GPR161: variants seen among roughly 807,000 people sequenced by gnomAD.
GPR161 encodes the protein G protein-coupled receptor 161.
Under a neutral mutation model 39.2 loss-of-function variants are expected in GPR161, and 25 were observed. The ratio of observed to expected loss-of-function variants is 0.64; its 90% confidence interval spans 0.47 to 0.89. The LOEUF is 0.89. GPR161 is among the 40% of genes least tolerant of loss of function. The pLI is 0.00. For synonymous variants in GPR161, 286 were observed against 276.6 expected (o/e 1.03, Z -0.34); for missense variants, 547 against 677.8 (o/e 0.81, Z 2.14).
At chr1:168,122,665 C>T (rs1039455241) in intron 1 of GPR161, among the ~76,000 whole-genome samples, 3 of 152,174 alleles carry the variant, frequency 2.0e-5, no homozygotes, top group African/African-American at 7.2e-5. Context: ...TGAAACCCAT[C>T]AAGCATGCTT....
At chr1:168,099,040 G>C (rs771054087) in intron 2 of GPR161, among the ~76,000 whole-genome samples, 23 of 152,324 alleles carry the variant, frequency 1.5e-4, no homozygotes, top group Admixed American at 8.5e-4. Flanking sequence ...GAAGATCATG[G>C]AAAAGGCCCG....
chr1:168,104,861 C>T lies in GPR161; in HGVS notation c.-11G>A, dbSNP rs376241216. The T allele has an allele frequency of 1.2e-5, 20 of 1,611,974 alleles. No individual in the cohort carries two copies. The highest frequency in any genetic ancestry group is 1.5e-5 in the Non-Finnish European group (18 of 1,178,462). The stretch of plus-strand genomic sequence containing the variant: ...GGAGTTGAGGCTCATGGTCAGTGCA[C>T]CTCGGCGTGGGGTGGGCAGAGCATG... On this transcript the variant is annotated 5_prime_UTR_variant, in exon 2 of 6. The change creates a new upstream start codon in the 5' untranslated region. Transcript: ENST00000682931.
intron 1 of GPR161, among the ~76,000 whole-genome samples, chr1:168,113,831 G>T (rs1287117213): frequency 6.6e-6 from 1 of 152,148 alleles, no homozygotes; most frequent in African/African-American, 2.4e-5. Flanking sequence ...ACTTGAGAGT[G>T]GAGGGTGGGA....
chr1:168,130,980 A>G (rs1469695156), intron 1 of GPR161, among the ~76,000 whole-genome samples: 1 of 152,182 alleles, frequency 6.6e-6, no homozygotes, highest in East Asian at 1.9e-4. Flanking sequence ...CTGTGTCACC[A>G]TGGGTGTATT....
rs998961310 is a variant in GPR161, at chr1:168,104,557, C to T, written c.294G>A (p.Val98=). Residue 98 remains valine (V), a synonymous_variant, in exon 2 of 6, where the codon GTG becomes GTA. Coordinates refer to ENST00000682931, the MANE Select transcript of GPR161 (RefSeq NM_001375883.1). The stretch of plus-strand genomic sequence containing the variant: ...AGAGGAGGGCAGAGAAGTTGCACCA[C>T]ACTACACCAAAGATCCATTCCCTGC... ...SIRREWIFGV[V]WCNFSALLYL... The T allele has an allele frequency of 6.2e-7, 1 of 1,614,092 alleles. No homozygotes were observed. The highest frequency in any genetic ancestry group is 1.7e-5 in the Admixed American group (1 of 60,020).
chr1:168,104,118 G>GGTCA (rs1696366878), intron 2 of GPR161, among the ~76,000 whole-genome samples: 1 of 152,150 alleles, frequency 6.6e-6, no homozygotes, highest in South Asian at 2.1e-4. Flanking sequence ...ACAGAGCAGG[G>GGTCA]GTCACACTGG....
chr1:168,087,075 G>T (rs1427164989), intron 5 of GPR161, among the ~76,000 whole-genome samples: 1 of 152,144 alleles, frequency 6.6e-6, no homozygotes, highest in South Asian at 2.1e-4. Context: ...AGTCCCTGGG[G>T]GTGAGCGGGG....
At chr1:168,126,244 A>G (rs949369261) in intron 1 of GPR161, among the ~76,000 whole-genome samples, 1 of 152,168 alleles carries the variant, frequency 6.6e-6, no homozygotes, top group South Asian at 2.1e-4. Context: ...GGTTACCACC[A>G]TAAGCCATTC....
Position 168,081,532 on chromosome 1 carries a change from A to T in GPR161, c.*3999T>A, listed in dbSNP as rs1442235162. Reference sequence around the variant, plus strand: ...CCAAGTATTTCCTCATAGAATCCAGACAGTCACCCTGTGACGGAGGACTCC... The same window carrying T: ...CCAAGTATTTCCTCATAGAATCCAGTCAGTCACCCTGTGACGGAGGACTCC... On this transcript the variant is annotated 3_prime_UTR_variant, in exon 6 of 6. Transcript: ENST00000682931. 1 of 152,244 alleles carries T rather than the reference A, an allele frequency of 6.6e-6. No homozygotes were observed. The highest frequency in any genetic ancestry group is 1.5e-5 in the Non-Finnish European group (1 of 68,050). The allele number at this position is 152,244 out of a possible 1,614,324, so 9.4% of individuals were successfully genotyped here. A position where few individuals can be genotyped will look rare whatever the true frequency, so the allele number is the denominator to read the frequency against.
In GPR161 at chr1:168,090,613, C is replaced by A. The variant is rs1694968607; in HGVS notation, c.1155G>T (p.Gly385=). 6.2e-7 allele frequency: 1 copy of A among 1,612,254 alleles called. No homozygotes were observed. Among genetic ancestry groups the A allele is most frequent in the Non-Finnish European group, 8.5e-7 (1 of 1,178,836 alleles). ...CAGTGTCCCCCGTGCTGCTGCTGTG[C>A]CCCAGGGGCTGTCCACCTGCCATGA... ...TALMAGGQPL[G]HSSSTGDTGF... Residue 385 remains glycine (G), a synonymous_variant, in exon 4 of 6, where the codon GGG becomes GGT. Coordinates refer to ENST00000682931, the MANE Select transcript of GPR161 (RefSeq NM_001375883.1).
At chr1:168,123,016 C>T (rs1252158346) in intron 1 of GPR161, among the ~76,000 whole-genome samples, 2 of 152,196 alleles carry the variant, frequency 1.3e-5, no homozygotes, top group Non-Finnish European at 2.9e-5. Flanking sequence ...ACACTAGACA[C>T]CTTGACACAC....
intron 3 of GPR161, among the ~76,000 whole-genome samples, chr1:168,096,100 C>T (rs967043846): frequency 3.1e-5 from 4 of 128,584 alleles, no homozygotes; most frequent in Non-Finnish European, 4.7e-5. Flanking sequence ...TGCCACTGCA[C>T]TCCAAGCTGG....
intron 1 of GPR161, chr1:168,133,950 T>C: frequency 2.4e-6 from 2 of 830,086 alleles, no homozygotes; most frequent in South Asian, 5.5e-5. Context: ...ACAGTGGTTA[T>C]CTCAAAGGTG....
chr1:168,105,982 G>A (rs1159915106), intron 1 of GPR161, among the ~76,000 whole-genome samples: 2 of 152,132 alleles, frequency 1.3e-5, no homozygotes, highest in East Asian at 3.9e-4. Flanking sequence ...TGGTGGATCC[G>A]CTGCCTCTAC....
rs1032827981 is a variant in GPR161, at chr1:168,084,523, G to A, written c.*1008C>T. 1 of 341,596 alleles carries A rather than the reference G, an allele frequency of 2.9e-6. No homozygotes were observed. Among genetic ancestry groups the A allele is most frequent in the East Asian group, 8.2e-5 (1 of 12,258 alleles). The allele number at this position is 341,596 out of a possible 1,614,324, so 21.2% of individuals were successfully genotyped here. Reference sequence around the variant, plus strand: ...CCCAGGTTGCTGGCTGTGGGTCCAGGGCTGCTTCTATCTTATTTATACCAG... The same window carrying A: ...CCCAGGTTGCTGGCTGTGGGTCCAGAGCTGCTTCTATCTTATTTATACCAG... On this transcript the variant is annotated 3_prime_UTR_variant, in exon 6 of 6. Transcript: ENST00000682931.
At chr1:168,127,105 T>C (rs1322905375) in intron 1 of GPR161, among the ~76,000 whole-genome samples, 2 of 152,172 alleles carry the variant, frequency 1.3e-5, no homozygotes, top group African/African-American at 2.4e-5. Context: ...AGCAAAAAGG[T>C]TGTCAGAAGA....
At chr1:168,092,739 C>T (rs1695182852) in intron 3 of GPR161, among the ~76,000 whole-genome samples, 1 of 152,176 alleles carries the variant, frequency 6.6e-6, no homozygotes. Flanking sequence ...CTTAGGAAGG[C>T]AAGGGAGTAA....
chr1:168,097,490 C>G (rs965919574), intron 2 of GPR161, among the ~76,000 whole-genome samples: 1 of 152,144 alleles, frequency 6.6e-6, no homozygotes, highest in African/African-American at 2.4e-5. Flanking sequence ...ACAGCCCACT[C>G]ATATTTGGGG....
rs1402257935 is a variant in GPR161, at chr1:168,081,356, C to T, written c.*4175G>A. 2 of 152,142 alleles carry T rather than the reference C, an allele frequency of 1.3e-5. No homozygotes were observed. The highest frequency in any genetic ancestry group is 4.8e-5 in the African/African-American group (2 of 41,412). The allele number at this position is 152,142 out of a possible 1,614,324, so 9.4% of individuals were successfully genotyped here. ...CCAAGGCAAAAACCTTTAACACCTCCCATCTAGGATAACACTTATATTTTC... is the reference window on the plus strand; with the variant it reads ...CCAAGGCAAAAACCTTTAACACCTCTCATCTAGGATAACACTTATATTTTC... On this transcript the variant is annotated 3_prime_UTR_variant, in exon 6 of 6. Transcript: ENST00000682931.
Sources: allele counts gnomAD v4.1 joint callset (sites outside exome capture counted in the v4.1 genomes callset), GRCh38; gene constraint gnomAD v4.1.1; transcripts MANE v1.5; gene names NCBI Gene and HGNC (gene_info 2026-07-23, HGNC 2026-07-21).